The following PARD3B variants were observed in gnomAD, a reference collection of about 807,000 sequenced individuals.
PARD3B encodes the protein partitioning defective 3 homolog B.
A neutral mutation model predicts 130.2 loss-of-function variants in PARD3B; 103 were observed. The ratio of observed to expected loss-of-function variants is 0.79; its 90% confidence interval spans 0.67 to 0.93. PARD3B has a LOEUF of 0.93. PARD3B is among the 40% of genes least tolerant of loss of function. PARD3B has a pLI of 0.00. For synonymous variants in PARD3B, 583 were observed against 553.2 expected, an observed-to-expected ratio of 1.05 and a Z score of -0.76; for missense variants, 1,609 against 1,499.2, an observed-to-expected ratio of 1.07 and a Z score of -1.21.
chr2:204,921,727 G>T (rs570406254), intron 2 of PARD3B, among the ~76,000 whole-genome samples: 3 of 152,208 alleles, frequency 2.0e-5, no homozygotes, highest in South Asian at 2.1e-4. Flanking sequence ...CCTGTGTCAT[G>T]ATTATATTTG....
At chr2:204,618,905 C>T (rs2034203011) in intron 1 of PARD3B, among the ~76,000 whole-genome samples, 1 of 152,070 alleles carries the variant, frequency 6.6e-6, no homozygotes, top group Non-Finnish European at 1.5e-5. Flanking sequence ...ATTTTTCTAT[C>T]TTATTTTGTT....
At chr2:204,604,087 A>G (rs1429011039) in intron 1 of PARD3B, among the ~76,000 whole-genome samples, 1 of 152,192 alleles carries the variant, frequency 6.6e-6, no homozygotes, top group African/African-American at 2.4e-5. Context: ...CTGAGAAGAC[A>G]ACTGTGGAGG....
intron 11 of PARD3B, among the ~76,000 whole-genome samples, chr2:205,170,580 G>A (rs1051538182): frequency 6.6e-6 from 1 of 152,188 alleles, no homozygotes; most frequent in Non-Finnish European, 1.5e-5. Flanking sequence ...GGCGTGGGCA[G>A]TGTGTCTTCA....
rs2048341615 is a variant in PARD3B at position 205,458,351 on chromosome 2, TA to T, written c.3044+17682del. ...TCTCTCCCTTCCTTCTGGGATCCAA[TA>T]AAGCAAAAATATTTGACCTTTCTGT... On this transcript the variant is annotated intron_variant, in intron 20 of 22. Transcript: ENST00000406610. This position sits in a 1 kb window ranked among gnomAD's most constrained non-coding sequence, Gnocchi z 4.8. Among the ~76,000 whole-genome samples the T allele has an allele frequency of 6.6e-6, 1 of 151,932 alleles. No homozygotes were observed. Among genetic ancestry groups the T allele is most frequent in the Non-Finnish European group, 1.5e-5 (1 of 67,966 alleles).
At chr2:204,927,306 A>G (rs1379681231) in intron 2 of PARD3B, among the ~76,000 whole-genome samples, 1 of 152,060 alleles carries the variant, frequency 6.6e-6, no homozygotes, top group Non-Finnish European at 1.5e-5. Flanking sequence ...AGCCCTCATG[A>G]ATAGGATTAG....
chr2:204,641,901 A>C (rs780267039), intron 1 of PARD3B, among the ~76,000 whole-genome samples: 22 of 152,216 alleles, frequency 1.4e-4, no homozygotes, highest in Non-Finnish European at 2.2e-4. Context: ...CTCTTTGTAG[A>C]ACCTGAAAAA....
intron 20 of PARD3B, among the ~76,000 whole-genome samples, chr2:205,480,728 C>T (rs1371817729): frequency 1.3e-5 from 2 of 152,268 alleles, no homozygotes; most frequent in African/African-American, 2.4e-5. Context: ...GCTCTCAACA[C>T]CTTCTGTTCT....
At chr2:205,522,076 A>C (rs1025787911) in intron 21 of PARD3B, among the ~76,000 whole-genome samples, 1 of 148,496 alleles carries the variant, frequency 6.7e-6, no homozygotes, top group Admixed American at 6.6e-5. Context: ...TTAAGTTTTT[A>C]GTGTATTTTA....
chr2:205,520,101 A>AACTT (rs1284286358), intron 21 of PARD3B, among the ~76,000 whole-genome samples: 15 of 152,148 alleles, frequency 9.9e-5, no homozygotes, highest in African/African-American at 3.1e-4. Context: ...TTCCTCCCCT[A>AACTT]ACTTAGAGGC....
chr2:205,580,237 G>T lies in PARD3B; in HGVS notation c.3260+26834G>T, dbSNP rs540790246. ...TAGCTCATTTTTATAACACATTCAG[G>T]TTTGGTGATTTATATTAAACATTAA... On this transcript the variant is annotated intron_variant, in intron 22 of 22. Coordinates refer to ENST00000406610, the MANE Select transcript of PARD3B (RefSeq NM_001302769.2). Among the ~76,000 whole-genome samples, 7 of 152,158 alleles carry T rather than the reference G, an allele frequency of 4.6e-5. No individual in the cohort carries two copies. In the South Asian group the frequency reaches 1.5e-3, roughly 32 times the overall value.
At chr2:205,143,351 T>C (rs2033124609) in intron 10 of PARD3B, among the ~76,000 whole-genome samples, 1 of 152,120 alleles carries the variant, frequency 6.6e-6, no homozygotes, top group African/African-American at 2.4e-5. Context: ...TTTGAAAAAA[T>C]TAATTCCTTA....
chr2:204,721,358 T>A (rs565806082), intron 2 of PARD3B, among the ~76,000 whole-genome samples: 1 of 151,958 alleles, frequency 6.6e-6, no homozygotes, highest in Non-Finnish European at 1.5e-5. Context: ...CCTGTAAGAG[T>A]CTAGGAGGTG....
rs200909502 is a variant in PARD3B, at chr2:205,245,833, C to T, written c.2185+11C>T. Reference sequence around the variant, plus strand: ...CTGGACAAAAATCGGGTAAGAAATTCCTTGTAACTGACTATATTCCTCTTC... The same window carrying T: ...CTGGACAAAAATCGGGTAAGAAATTTCTTGTAACTGACTATATTCCTCTTC... On this transcript the variant is annotated intron_variant, in intron 16 of 22. Coordinates refer to ENST00000406610, the MANE Select transcript of PARD3B (RefSeq NM_001302769.2). 2 of 1,573,310 alleles carry T rather than the reference C, an allele frequency of 1.3e-6. No homozygotes were observed. The highest frequency in any genetic ancestry group is 1.4e-5 in the African/African-American group (1 of 73,968).
At chr2:205,526,391 A>C (rs910834359) in intron 21 of PARD3B, among the ~76,000 whole-genome samples, 14 of 152,216 alleles carry the variant, frequency 9.2e-5, no homozygotes, top group African/African-American at 3.1e-4. Flanking sequence ...TGCCAGGTAG[A>C]GTTTTACAAA....
intron 1 of PARD3B, among the ~76,000 whole-genome samples, chr2:204,553,671 T>TATCC (rs1348894066): frequency 8.8e-6 from 1 of 114,034 alleles, no homozygotes; most frequent in Non-Finnish European, 1.7e-5. Flanking sequence ...TATATATATA[T>TATCC]ATATATATAT....
intron 1 of PARD3B, among the ~76,000 whole-genome samples, chr2:204,626,918 T>C (rs565495376): frequency 6.6e-6 from 1 of 152,276 alleles, no homozygotes; most frequent in African/African-American, 2.4e-5. Context: ...AATCTCATCT[T>C]GAATTGTAAT....
intron 2 of PARD3B, among the ~76,000 whole-genome samples, chr2:204,708,124 T>G (rs573688680): frequency 6.6e-6 from 1 of 152,274 alleles, no homozygotes; most frequent in East Asian, 1.9e-4. Context: ...TGACTATGTA[T>G]AAATAAAATA....
intron 18 of PARD3B, among the ~76,000 whole-genome samples, chr2:205,307,271 T>C (rs1016030441): frequency 6.6e-6 from 1 of 152,204 alleles, no homozygotes; most frequent in African/African-American, 2.4e-5. Context: ...TTTGAAAAAA[T>C]TACAGAGGAT....
At chr2:205,554,144 A>G (rs1477252825) in intron 22 of PARD3B, among the ~76,000 whole-genome samples, 1 of 152,230 alleles carries the variant, frequency 6.6e-6, no homozygotes, top group Non-Finnish European at 1.5e-5. Flanking sequence ...TGAGAGTATG[A>G]GAATTAATGC....
Sources: allele counts gnomAD v4.1 joint callset (sites outside exome capture counted in the v4.1 genomes callset), GRCh38; gene constraint gnomAD v4.1.1; non-coding constraint Gnocchi (gnomAD v3.1); transcripts MANE v1.5; gene names NCBI Gene and HGNC (gene_info 2026-07-23, HGNC 2026-07-21).